HPSE2: variants seen among roughly 807,000 people sequenced by gnomAD.
HPSE2 encodes heparanase 2 (inactive).
In HPSE2, 38 loss-of-function variants were observed where a neutral mutation model predicts 60.5. The observed-to-expected ratio is 0.63, with a 90% confidence interval of 0.48 to 0.82. The LOEUF (loss-of-function observed/expected upper bound fraction) is 0.82. Ranked by LOEUF, HPSE2 falls within the 40% of genes least tolerant of loss-of-function variation. HPSE2 has a pLI of 0.00. For missense variants in HPSE2, 713 were observed against 740.4 expected, an observed-to-expected ratio of 0.96 and a Z score of 0.43; for synonymous variants, 295 against 293.2, an observed-to-expected ratio of 1.01 and a Z score of -0.06.
chr10:99,039,489 A>G (rs903072997), intron 3 of HPSE2, among the ~76,000 whole-genome samples: 8 of 151,186 alleles, frequency 5.3e-5, no homozygotes, highest in Non-Finnish European at 8.8e-5. Flanking sequence ...AAAAATGAAG[A>G]CTATTAGGAT....
intron 5 of HPSE2, among the ~76,000 whole-genome samples, chr10:98,713,581 A>G (rs1022659656): frequency 1.3e-5 from 2 of 152,040 alleles, no homozygotes; most frequent in African/African-American, 4.8e-5. Context: ...GGTCAAAAAA[A>G]TTCAGAAAAT....
At chr10:99,186,440 G>A (rs1848027801) in intron 2 of HPSE2, among the ~76,000 whole-genome samples, 1 of 148,866 alleles carries the variant, frequency 6.7e-6, no homozygotes, top group South Asian at 2.2e-4. Context: ...CTACTCAGGA[G>A]GCTGAGGTAG....
At chr10:98,984,420 C>T (rs11812749) in intron 3 of HPSE2, among the ~76,000 whole-genome samples, 23,157 of 152,190 alleles carry the variant, frequency 0.15, 2,648 homozygotes, top group African/African-American at 0.31. Context: ...AACAGAACTG[C>T]AGCTGAGGGT....
chr10:98,510,723 C>T (rs949515338), intron 9 of HPSE2, among the ~76,000 whole-genome samples: 2 of 152,196 alleles, frequency 1.3e-5, no homozygotes, highest in African/African-American at 4.8e-5. Context: ...TTTCTGAGCA[C>T]ATATTCCTAG....
chr10:98,986,739 C>A (rs1016109626), intron 3 of HPSE2, among the ~76,000 whole-genome samples: 2 of 151,486 alleles, frequency 1.3e-5, no homozygotes, highest in Non-Finnish European at 2.9e-5. Flanking sequence ...AATTGATAGA[C>A]TGCTAGCTAG....
chr10:99,007,468 C>T (rs1309300021), intron 3 of HPSE2, among the ~76,000 whole-genome samples: 1 of 152,168 alleles, frequency 6.6e-6, no homozygotes, highest in East Asian at 1.9e-4. Flanking sequence ...TATTTCTGTG[C>T]TATACTTAAG....
rs1954971692 is a variant in HPSE2, at chr10:98,940,787, G to A, written c.611-196731C>T. On this transcript the variant is annotated intron_variant, in intron 3 of 11. Coordinates refer to ENST00000370552, the MANE Select transcript of HPSE2 (RefSeq NM_021828.5). ...TGGGCAGAGACACAACCAAAAAAGAGAATTTTAAACCAATATCCTTGATGA... is the reference window on the plus strand; with the variant it reads ...TGGGCAGAGACACAACCAAAAAAGAAAATTTTAAACCAATATCCTTGATGA... 3.5e-5 allele frequency among the ~76,000 whole-genome samples: 5 copies of A among 141,958 alleles called. No homozygotes were observed. The South Asian group carries it at 1.1e-3, about 30-fold the overall frequency. 93.1% of individuals were successfully genotyped at this position (141,958 alleles called of 152,430 possible).
At chr10:98,726,574 A>T (rs534012677) in intron 4 of HPSE2, among the ~76,000 whole-genome samples, 1 of 151,308 alleles carries the variant, frequency 6.6e-6, no homozygotes, top group Non-Finnish European at 1.5e-5. Flanking sequence ...AACATGGCAT[A>T]TGTATACATA....
At chr10:98,694,043 T>G in intron 5 of HPSE2, 96 bp from the exon 6 acceptor site, 1 of 990,114 alleles carries the variant, frequency 1.0e-6, no homozygotes, top group South Asian at 1.3e-5. Flanking sequence ...AGACCAATCC[T>G]TAAGCAGGTA....
chr10:98,844,929 T>C (rs893592585), intron 3 of HPSE2, among the ~76,000 whole-genome samples: 2 of 152,202 alleles, frequency 1.3e-5, no homozygotes, highest in African/African-American at 4.8e-5. Context: ...GCTCTTCCAT[T>C]AGCAAATTAT....
chr10:99,179,299 G>A (rs1006477508), intron 2 of HPSE2, among the ~76,000 whole-genome samples: 3 of 152,124 alleles, frequency 2.0e-5, no homozygotes, highest in African/African-American at 7.2e-5. Context: ...GAAATCAAGG[G>A]TATTCAAATA....
chr10:98,470,102 GGTGT>G (rs55762346), intron 11 of HPSE2, among the ~76,000 whole-genome samples: 2,097 of 150,364 alleles, frequency 0.014, 18 homozygotes, highest in Non-Finnish European at 0.023. Flanking sequence ...TAGGAAGGCA[GGTGT>G]GTGTGTGTGT....
chr10:99,207,608 G>A (rs549034753), intron 2 of HPSE2, among the ~76,000 whole-genome samples: 1 of 152,188 alleles, frequency 6.6e-6, no homozygotes, highest in Admixed American at 6.5e-5. Context: ...AACAATAAAA[G>A]TTTTTAAAGA....
chr10:99,004,368 A>C (rs781025234), intron 3 of HPSE2, among the ~76,000 whole-genome samples: 2 of 151,552 alleles, frequency 1.3e-5, no homozygotes, highest in Non-Finnish European at 2.9e-5. Flanking sequence ...TTTGCAGTTA[A>C]GTGATTTTTC....
At position 98,459,335 on chromosome 10, in the gene HPSE2, C is replaced by T. The variant is rs1940176709; in HGVS notation, c.*239G>A. The T allele has an allele frequency of 1.0e-5, 6 of 577,856 alleles. 1 individual carries two copies. The East Asian group carries it at 1.5e-4, about 15-fold the overall frequency. 35.8% of individuals were successfully genotyped at this position (577,856 alleles called of 1,614,324 possible). ...GAAACATTCTGCTCTATACACATGC[C>T]TTTATCCTTATATAGGTACAGGTGA... On this transcript the variant is annotated 3_prime_UTR_variant, in exon 12 of 12. Transcript: ENST00000370552.
At position 98,792,694 on chromosome 10, in the gene HPSE2, CAG is replaced by C. The variant is rs1045955912; in HGVS notation, c.611-48640_611-48639del. Among the ~76,000 whole-genome samples, 4 of 150,672 alleles carry C rather than the reference CAG, an allele frequency of 2.7e-5. No individual in the cohort carries two copies. The East Asian group carries it at 7.8e-4, about 29-fold the overall frequency. On this transcript the variant is annotated intron_variant, in intron 3 of 11. Coordinates refer to ENST00000370552, the MANE Select transcript of HPSE2 (RefSeq NM_021828.5). ...AAAATGGTTCCTGCCACCCAGGGGT[CAG>C]AGTGGTGGTTGTTTCTCCAACCAAT...
At chr10:98,671,993 A>G (rs1322287126) in intron 6 of HPSE2, among the ~76,000 whole-genome samples, 1 of 152,262 alleles carries the variant, frequency 6.6e-6, no homozygotes, top group Non-Finnish European at 1.5e-5. Flanking sequence ...TGAAGTGCTC[A>G]TAATGTTTGA....
chr10:98,591,483 C>T (rs1272330590), intron 9 of HPSE2, among the ~76,000 whole-genome samples: 1 of 151,910 alleles, frequency 6.6e-6, no homozygotes, highest in Non-Finnish European at 1.5e-5. Flanking sequence ...GGCAACATGG[C>T]AAAGCCCTGT....
chr10:98,960,578 G>T (rs1369671235), intron 3 of HPSE2, among the ~76,000 whole-genome samples: 2 of 151,620 alleles, frequency 1.3e-5, no homozygotes, highest in Non-Finnish European at 2.9e-5. Flanking sequence ...AGTTTAAACT[G>T]TATCCCCCTA....
Sources: gnomAD v4.1 joint callset for allele counts (sites outside exome capture counted in the v4.1 genomes callset) on GRCh38, gnomAD v4.1.1 for gene constraint, MANE v1.5 for transcripts, NCBI Gene and HGNC (gene_info 2026-07-23, HGNC 2026-07-21) for gene names.